IGF2R: variants seen among roughly 807,000 people sequenced by gnomAD.
IGF2R encodes the protein insulin like growth factor 2 receptor.
A neutral mutation model predicts 270.6 loss-of-function variants in IGF2R; 91 were observed. The ratio of observed to expected loss-of-function variants is 0.34; its 90% confidence interval spans 0.28 to 0.40. The LOEUF (loss-of-function observed/expected upper bound fraction) is 0.40, where lower values mean the gene tolerates loss of function less well. IGF2R is among the 10% of genes least tolerant of loss of function. The pLI is 1.00. For missense variants in IGF2R, 2,805 were observed against 3,188.3 expected (o/e 0.88, Z 2.90); for synonymous variants, 1,316 against 1,258.9 (o/e 1.05, Z -0.96).
At chr6:160,045,428 T>C (rs188081750) in intron 13 of IGF2R, among the ~76,000 whole-genome samples, 1 of 152,320 alleles carries the variant, frequency 6.6e-6, no homozygotes, top group African/African-American at 2.4e-5. Context: ...AGTGTGTAGC[T>C]TGGTGACATT....
At chr6:159,972,510 G>A (rs1783625569) in intron 1 of IGF2R, among the ~76,000 whole-genome samples, 1 of 152,158 alleles carries the variant, frequency 6.6e-6, no homozygotes, top group Admixed American at 6.5e-5. Flanking sequence ...CTAAAAGATG[G>A]AGTTGGATTT....
intron 32 of IGF2R, 65 bp downstream of exon 32, chr6:160,072,101 C>T (rs1778754522): frequency 3.1e-6 from 5 of 1,602,796 alleles, no homozygotes; most frequent in South Asian, 1.1e-5. Context: ...CCAAACCCAG[C>T]TCATCAGGGG....
chr6:159,980,183 AAAAGAAAGAAAGAAAG>A (rs57599343), intron 1 of IGF2R, among the ~76,000 whole-genome samples: 2,364 of 121,970 alleles, frequency 0.019, 159 homozygotes, highest in South Asian at 0.081. Context: ...TCCGTCTCAA[AAAAGAAAGAAAGAAAG>A]AAAGAAAGAA....
intron 2 of IGF2R, among the ~76,000 whole-genome samples, chr6:159,999,540 C>G (rs1391121496): frequency 6.6e-6 from 1 of 152,128 alleles, no homozygotes; most frequent in East Asian, 1.9e-4. Context: ...GATGGGAGAT[C>G]TGAATGTGTG....
chr6:159,990,258 T>A (rs1322957666), intron 1 of IGF2R, among the ~76,000 whole-genome samples: 3 of 152,198 alleles, frequency 2.0e-5, no homozygotes, highest in African/African-American at 7.2e-5. Context: ...TCCACCCAAA[T>A]CTCAGCTTGT....
At chr6:160,080,416 C>G (rs1174928378) in intron 39 of IGF2R, 141 bp downstream of exon 39, 1 of 857,284 alleles carries the variant, frequency 1.2e-6, no homozygotes, top group Non-Finnish European at 1.8e-6. Flanking sequence ...CGGGCTGTTT[C>G]CCACAGAGAA....
intron 16 of IGF2R, 37 bp from the exon 17 acceptor site, chr6:160,047,755 C>CT: frequency 7.8e-7 from 1 of 1,282,426 alleles, no homozygotes; most frequent in Non-Finnish European, 1.1e-6. Context: ...GTGTCTTTCT[C>CT]TTTTTGCCAT....
chr6:160,079,518 C>G (rs965749513), intron 37 of IGF2R, 62 bp from the exon 38 acceptor site: 5 of 1,212,586 alleles, frequency 4.1e-6, no homozygotes, highest in African/African-American at 3.1e-5. Flanking sequence ...TAGTGGTTCT[C>G]TCTTCACTTT....
intron 44 of IGF2R, chr6:160,094,387 T>G: frequency 4.6e-6 from 1 of 215,768 alleles, no homozygotes. Context: ...CTGGCGAGTC[T>G]GCCAGCATGC....
chr6:160,010,633 A>G (rs929376664), intron 3 of IGF2R, 54 bp from the exon 4 acceptor site: 47 of 1,077,762 alleles, frequency 4.4e-5, no homozygotes, highest in Middle Eastern at 2.0e-4. Context: ...TTTAAAGAAG[A>G]ATCTTTACAA....
At chr6:160,083,633 C>T (rs750237827) in intron 39 of IGF2R, among the ~76,000 whole-genome samples, 11 of 152,238 alleles carry the variant, frequency 7.2e-5, no homozygotes, top group Non-Finnish European at 2.9e-5. Context: ...CATTGTGCCC[C>T]TGGTTTATTG....
intron 19 of IGF2R, among the ~76,000 whole-genome samples, chr6:160,051,254 G>A (rs898223386): frequency 1.3e-5 from 2 of 152,186 alleles, no homozygotes; most frequent in Non-Finnish European, 2.9e-5. Context: ...GAGAAAGAAT[G>A]GACAGAAATT....
At chr6:160,068,063 G>GT (rs1778624220) in intron 29 of IGF2R, among the ~76,000 whole-genome samples, 186 bp from the exon 30 acceptor site, 31 of 95,264 alleles carry the variant, frequency 3.3e-4, no homozygotes, top group South Asian at 1.4e-3. Context: ...ATTCTGATGG[G>GT]GGGTGTGTGT....
chr6:160,097,284 A>G (rs1209426753), intron 45 of IGF2R, among the ~76,000 whole-genome samples: 1 of 151,884 alleles, frequency 6.6e-6, no homozygotes, highest in Non-Finnish European at 1.5e-5. Context: ...TCTTGGATTT[A>G]TTTTCTTCTT....
At chr6:160,086,025 C>T (rs978231397) in intron 41 of IGF2R, among the ~76,000 whole-genome samples, 1 of 152,186 alleles carries the variant, frequency 6.6e-6, no homozygotes, top group Non-Finnish European at 1.5e-5. Context: ...TGTAATCTTG[C>T]AGTATATATG....
In IGF2R at chr6:159,979,753, TG is replaced by T. The variant is rs550133388; in HGVS notation, c.149+10361del. On this transcript the variant is annotated intron_variant, in intron 1 of 47. Coordinates refer to ENST00000356956, the MANE Select transcript of IGF2R (RefSeq NM_000876.4). The stretch of plus-strand genomic sequence containing the variant: ...GAGGCAGCTAAGGGCCCAGTGTGTC[TG>T]GGTGGGCTGAGCCATTGGGAGAATG... Among the ~76,000 whole-genome samples, 237 of 152,102 alleles carry T rather than the reference TG, an allele frequency of 1.6e-3. 3 individuals carry two copies. Among genetic ancestry groups the T allele is most frequent in the African/African-American group, 5.2e-3 (216 of 41,506 alleles).
intron 1 of IGF2R, among the ~76,000 whole-genome samples, chr6:159,990,218 A>C (rs1334557475): frequency 6.6e-6 from 1 of 152,210 alleles, no homozygotes; most frequent in Admixed American, 6.5e-5. Flanking sequence ...AGTCTTGAGC[A>C]ATTACTGATT....
rs529273248 is a variant in IGF2R, at chr6:160,090,952, C to T, written c.6655+849C>T. 7.0e-5 allele frequency among the ~76,000 whole-genome samples: 9 copies of T among 128,434 alleles called. No homozygotes were observed. In the South Asian group the frequency reaches 7.9e-4, roughly 11 times the overall value. 84.3% of individuals were successfully genotyped at this position (128,434 alleles called of 152,430 possible). A position where few individuals can be genotyped will look rare whatever the true frequency, so the allele number is the denominator to read the frequency against. ...CGTGCCCTGGTGCTGAGCGCATCGC[C>T]GAGAAGGAGCGGGTGCTCTGTGCCC... On this transcript the variant is annotated intron_variant, in intron 44 of 47. Transcript: ENST00000356956.
At chr6:160,029,183 G>A (rs1777636143) in intron 6 of IGF2R, among the ~76,000 whole-genome samples, 1 of 152,182 alleles carries the variant, frequency 6.6e-6, no homozygotes, top group Admixed American at 6.5e-5. Context: ...GGTTCGCTGT[G>A]TTGGCCAGGG....
Sources: gnomAD v4.1 joint callset for allele counts (sites outside exome capture counted in the v4.1 genomes callset) on GRCh38, gnomAD v4.1.1 for gene constraint, MANE v1.5 for transcripts, NCBI Gene and HGNC (gene_info 2026-07-23, HGNC 2026-07-21) for gene names.